MYH3: variants seen among roughly 807,000 people sequenced by gnomAD.
MYH3 encodes myosin heavy chain 3, also known as myosin-3.
MYH3 carries 130 observed loss-of-function variants against 238.0 expected under a neutral mutation model. The observed-to-expected ratio is 0.55, with a 90% confidence interval of 0.47 to 0.63. The LOEUF is 0.63. MYH3 is among the 30% of genes least tolerant of loss of function. The probability of loss-of-function intolerance (pLI) is 0.00; values close to 1 mark genes in which losing one functional copy is unlikely to be tolerated. For missense variants in MYH3, 1,853 were observed against 2,374.9 expected (o/e 0.78, Z 4.57); for synonymous variants, 880 against 924.1 (o/e 0.95, Z 0.86).
rs139480851 is a variant in MYH3 at position 10,654,108 on chromosome 17, T to C, written c.204+753A>G. ...TTTTCCTTCATGCCCAACCCAATGA[T>C]AGTATTTCCTTTACTTGTCTCTTTT... On this transcript the variant is annotated intron_variant, in intron 3 of 40. Transcript: ENST00000583535. The surrounding 1 kb of genome is among the most constrained non-coding windows in gnomAD (Gnocchi z 4.5). Among the ~76,000 whole-genome samples, 141 of 152,292 alleles carry C rather than the reference T, an allele frequency of 9.3e-4. No homozygotes were observed. The highest frequency in any genetic ancestry group is 3.2e-3 in the African/African-American group (133 of 41,578).
intron 31 of MYH3, 140 bp from the exon 32 acceptor site, chr17:10,634,322 C>T: frequency 1.0e-6 from 1 of 979,108 alleles, no homozygotes; most frequent in Non-Finnish European, 1.6e-6. Context: ...GATTATTGGG[C>T]TAATCAAGAT....
chr17:10,660,212 C>T (rs546028020), upstream of MYH3, among the ~76,000 whole-genome samples: 7 of 152,356 alleles, frequency 4.6e-5, no homozygotes, highest in South Asian at 1.4e-3. Context: ...CACACCATGC[C>T]TCGTGCTGTG....
rs779684963 is a variant in MYH3, at chr17:10,651,688, T to C, written c.349-20A>G. On this transcript the variant is annotated intron_variant, in intron 4 of 40. Transcript: ENST00000583535. ...GTAGGTCTGTGGGAGGAAAAACATA[T>C]ACGTGCGTATATGTATGTATGTGCA... The C allele has an allele frequency of 1.2e-6, 2 of 1,612,738 alleles. No homozygotes were observed. Among genetic ancestry groups the C allele is most frequent in the Non-Finnish European group, 1.7e-6 (2 of 1,178,986 alleles).
chr17:10,657,621 C>T (rs527247879), upstream of MYH3, among the ~76,000 whole-genome samples: 3 of 152,246 alleles, frequency 2.0e-5, no homozygotes, highest in Admixed American at 6.5e-5. Context: ...CGTTCTCAGG[C>T]GCTCATCACA....
In MYH3 at chr17:10,640,014, C is replaced by T; in HGVS notation, c.2664G>A (p.Leu888=). 1 of 1,613,742 alleles carries T rather than the reference C, an allele frequency of 6.2e-7. No individual in the cohort carries two copies. The highest frequency in any genetic ancestry group is 8.5e-7 in the Non-Finnish European group (1 of 1,179,998). ...LVTLVQEKND[L]QLQVQAESEN... ...CACGTACAGCTTGTACTTGGAGCTG[C>T]AGGTCATTCTTCTCTTGGACCAGAG... Residue 888 remains leucine (L), a synonymous_variant, in exon 22 of 41, where the codon CTG becomes CTA. Transcript: ENST00000583535.
chr17:10,674,717 G>C, the MYH3 span: 76,135 of 152,314 alleles, frequency 0.5, 19,763 homozygotes, highest in African/African-American at 0.64. Context: ...ACGAAACCTT[G>C]GTGGCCAAGG....
the MYH3 span, chr17:10,677,375 A>G: frequency 6.6e-6 from 1 of 152,184 alleles, no homozygotes; most frequent in Non-Finnish European, 1.5e-5. Context: ...TTGGGTAACA[A>G]ATGCTCGCAT....
At position 10,637,926 on chromosome 17, in the gene MYH3, C is replaced by G; in HGVS notation, c.3739G>C (p.Glu1247Gln). ...TCCTCCAGGGTTCGGCAGATTTTTT[C>G]CAGATTTGCCTGAAGGATTCAGAAA... ...ESVSKSKANL[E>Q]KICRTLEDQL... The change falls in exon 28 of 41, where the codon GAA (glutamate) becomes CAA (glutamine). Residue 1247 changes from glutamate to glutamine, a missense_variant. By Grantham distance (29) the Glu-to-Gln change is conservative. This residue lies in a region of MYH3 where 1,044 missense variants were observed against 1,192.6 expected (regional missense o/e 0.88). Transcript: ENST00000583535. 1 of 1,614,090 alleles carries G rather than the reference C, an allele frequency of 6.2e-7. No individual in the cohort carries two copies. Among genetic ancestry groups the G allele is most frequent in the Non-Finnish European group, 8.5e-7 (1 of 1,180,012 alleles).
chr17:10,656,459 C>G (rs1004434532), intron 1 of MYH3, among the ~76,000 whole-genome samples: 15 of 151,244 alleles, frequency 9.9e-5, no homozygotes. Context: ...ATCATTTGAA[C>G]CTGGGAGACA....
Position 10,654,841 on chromosome 17 carries a change from T to C in MYH3, c.204+20A>G. The C allele has an allele frequency of 6.2e-7, 1 of 1,610,758 alleles. No individual in the cohort carries two copies. The highest frequency in any genetic ancestry group is 1.1e-5 in the South Asian group (1 of 91,004). ...GACCAGGTGGAGGGCCAGCAGCCTG[T>C]GGAGGGTACAGAGCCTTACCCTGTT... On this transcript the variant is annotated intron_variant, in intron 3 of 40. Transcript: ENST00000583535. The surrounding 1 kb of genome is among the most constrained non-coding windows in gnomAD (Gnocchi z 4.5).
In MYH3 at chr17:10,629,613, T is replaced by C; in HGVS notation, c.5780A>G (p.Asp1927Gly). Residue 1927 changes from aspartate to glycine, a missense_variant, in exon 40 of 41, where the codon GAC becomes GGC. Physicochemically the swap from Asp to Gly is moderately conservative, Grantham distance 94. Around this residue, in one of 3 missense-constraint regions of MYH3, gnomAD observed 1,044 missense variants for 1,192.6 expected, o/e 0.88. Coordinates refer to ENST00000583535, the MANE Select transcript of MYH3 (RefSeq NM_002470.4). ...GCGACTCACCCTGCTGGAGGTGAAGTCTCGAGTCTTAGCGCGGAGCTTGTT... is the reference window on the plus strand; with the variant it reads ...GCGACTCACCCTGCTGGAGGTGAAGCCTCGAGTCTTAGCGCGGAGCTTGTT... ...QVNKLRAKTR[D>G]FTSSRMVVHE... 3 of 1,613,482 alleles carry C rather than the reference T, an allele frequency of 1.9e-6. No individual in the cohort carries two copies. The highest frequency in any genetic ancestry group is 8.5e-7 in the Non-Finnish European group (1 of 1,180,034).
At chr17:10,655,539 C>T (rs1214094695) in intron 2 of MYH3, among the ~76,000 whole-genome samples, 1 of 152,218 alleles carries the variant, frequency 6.6e-6, no homozygotes, top group African/African-American at 2.4e-5. Context: ...GCTACACGCT[C>T]GTATGCGGGA....
chr17:10,641,660 AT>A (rs1464796216), intron 17 of MYH3, among the ~76,000 whole-genome samples: 1 of 152,010 alleles, frequency 6.6e-6, no homozygotes, highest in Admixed American at 6.6e-5. Context: ...GACTACAGGC[AT>A]ATGCCACCAC....
At position 10,654,756 on chromosome 17, in the gene MYH3, C is replaced by CT. The variant is rs2074412188; in HGVS notation, c.204+104dup. 2 of 1,074,270 alleles carry CT rather than the reference C, an allele frequency of 1.9e-6. No homozygotes were observed. The highest frequency in any genetic ancestry group is 2.9e-6 in the Non-Finnish European group (2 of 688,224). 66.5% of individuals were successfully genotyped at this position (1,074,270 alleles called of 1,614,324 possible). On this transcript the variant is annotated intron_variant, in intron 3 of 40. Transcript: ENST00000583535. The surrounding 1 kb of genome is among the most constrained non-coding windows in gnomAD (Gnocchi z 4.5). Reference sequence around the variant, plus strand: ...CTACATTGTATGCGGCATTCCAGTGCTGGAACCACATCTGGAAGTGGCTGG... The same window carrying CT: ...CTACATTGTATGCGGCATTCCAGTGCTTGGAACCACATCTGGAAGTGGCTGG...
rs529728868 is a variant in MYH3, at chr17:10,648,697, T to C, written c.643-48A>G. ...GAAGAGGAAACATTTTTTTTTGAGA[T>C]GGAGTTACACTCTTGTTGCCCAGGC... is the stretch of plus-strand genomic sequence containing the variant. On this transcript the variant is annotated intron_variant, in intron 7 of 40. Coordinates refer to ENST00000583535, the MANE Select transcript of MYH3 (RefSeq NM_002470.4). The C allele has an allele frequency of 4.1e-6, 6 of 1,478,022 alleles. No homozygotes were observed. In the African/African-American group the frequency reaches 6.9e-5, roughly 17 times the overall value. The allele number at this position is 1,478,022 out of a possible 1,614,324, so 91.6% of individuals were successfully genotyped here.
chr17:10,628,603 A>T lies in MYH3; in HGVS notation c.*50T>A. On this transcript the variant is annotated 3_prime_UTR_variant, in exon 41 of 41. Coordinates refer to ENST00000583535, the MANE Select transcript of MYH3 (RefSeq NM_002470.4). ...CATTAAGTATCAATGGTCAGGAATC[A>T]AGAAAATATACATTTTGCATATCTT... 1.3e-6 allele frequency: 2 copies of T among 1,598,478 alleles called. No individual in the cohort carries two copies. Among genetic ancestry groups the T allele is most frequent in the Non-Finnish European group, 1.7e-6 (2 of 1,165,624 alleles).
rs1461094460 is a variant in MYH3 at position 10,632,531 on chromosome 17, T to C, written c.4901A>G (p.Asn1634Ser). ...TTTGAGGGTCTCCGCCGCCTGGCGG[T>C]TGGCGTGGCTCAGCTGGATCTCGAT... is the stretch of plus-strand genomic sequence containing the variant. Reference protein sequence around the residue: ...NEIEIQLSHANRQAAETLKHL... With the variant: ...NEIEIQLSHASRQAAETLKHL... Residue 1634 changes from asparagine to serine, a missense_variant, in exon 34 of 41, where the codon AAC becomes AGC. By Grantham distance (46) the Asn-to-Ser change is conservative. Coordinates refer to ENST00000583535, the MANE Select transcript of MYH3 (RefSeq NM_002470.4). The C allele has an allele frequency of 9.3e-6, 15 of 1,614,014 alleles. No individual in the cohort carries two copies. Among genetic ancestry groups the C allele is most frequent in the Non-Finnish European group, 1.1e-5 (13 of 1,180,042 alleles).
upstream of MYH3, chr17:10,658,906 T>C (rs1283975718): frequency 2.6e-5 from 4 of 152,382 alleles, no homozygotes; most frequent in African/African-American, 9.6e-5. Context: ...ACTGTCTCCT[T>C]GGGAGTATTG....
chr17:10,639,460 AG>A lies in MYH3; in HGVS notation c.2939del (p.Thr980MetfsTer7). On this transcript the variant is annotated frameshift_variant, in exon 24 of 41. Coordinates refer to ENST00000583535, the MANE Select transcript of MYH3 (RefSeq NM_002470.4). LOFTEE classifies it high-confidence loss of function. ...HATENKVKNL[T>X]EELSGLDETI... ...TTTCATCTAACCCAGAGAGTTCCTCAGTAAGGTTTTTAACCTAAGAAGAATT... is the reference window on the plus strand; with the variant it reads ...TTTCATCTAACCCAGAGAGTTCCTCATAAGGTTTTTAACCTAAGAAGAATT... 6.2e-7 allele frequency: 1 copy of A among 1,614,082 alleles called. No individual in the cohort carries two copies.
Sources: gnomAD v4.1 joint callset for allele counts (sites outside exome capture counted in the v4.1 genomes callset) on GRCh38, gnomAD v4.1.1 for gene constraint, gnomAD v4.1.1 regional missense constraint, Gnocchi (gnomAD v3.1) non-coding constraint, MANE v1.5 for transcripts, NCBI Gene and HGNC (gene_info 2026-07-23, HGNC 2026-07-21) for gene names.